ZGRF1: variants seen among roughly 807,000 people sequenced by gnomAD.
ZGRF1 encodes 5'-3' DNA helicase ZGRF1.
In ZGRF1, 196 loss-of-function variants were observed where a neutral mutation model predicts 203.5. That is an observed-to-expected ratio of 0.96 (90% CI 0.86 to 1.08). The LOEUF (loss-of-function observed/expected upper bound fraction) is 1.08. Among genes scored for constraint, ZGRF1 ranks in the 50% least tolerant of loss-of-function variants. The pLI, the probability that ZGRF1 is intolerant of heterozygous loss-of-function variation, is 0.00. For synonymous variants in ZGRF1, 809 were observed against 841.3 expected (o/e 0.96, Z 0.66); for missense variants, 2,326 against 2,416.3 (o/e 0.96, Z 0.78).
At chr4:112,559,210 T>C (rs956094645) in intron 19 of ZGRF1, among the ~76,000 whole-genome samples, 2 of 152,136 alleles carry the variant, frequency 1.3e-5, no homozygotes, top group Non-Finnish European at 2.9e-5. Flanking sequence ...TTGTTTTGTT[T>C]TGTTTTGAGA....
chr4:112,626,824 G>C (rs993310066), intron 3 of ZGRF1, among the ~76,000 whole-genome samples: 4 of 150,554 alleles, frequency 2.7e-5, no homozygotes, highest in African/African-American at 9.8e-5. Flanking sequence ...TTCTTTTTTT[G>C]AGACTGAGTC....
At chr4:112,564,738 A>T (rs34712587) in intron 16 of ZGRF1, among the ~76,000 whole-genome samples, 105,029 of 152,042 alleles carry the variant, frequency 0.69, 36,684 homozygotes, top group East Asian at 0.95. Context: ...AAAAATGATC[A>T]CAAATGCTTA....
In ZGRF1 at chr4:112,585,534, A is replaced by C; in HGVS notation, c.4101+7T>G. ...TGGTATGGTAGGGGGAGGGGAAGCA[A>C]GAATACCTTATTTGGACCTTCCTTT... On this transcript the variant is annotated splice_region_variant and intron_variant, in intron 14 of 27. Coordinates refer to ENST00000505019, the MANE Select transcript of ZGRF1 (RefSeq NM_018392.5). The C allele has an allele frequency of 6.2e-7, 1 of 1,604,982 alleles. No homozygotes were observed. Among genetic ancestry groups the C allele is most frequent in the Non-Finnish European group, 8.5e-7 (1 of 1,176,350 alleles).
chr4:112,599,427 T>C (rs1272439824), intron 10 of ZGRF1, among the ~76,000 whole-genome samples: 2 of 151,734 alleles, frequency 1.3e-5, no homozygotes, highest in African/African-American at 2.4e-5. Flanking sequence ...TAAAGATACA[T>C]AGGAAGTACA....
At chr4:112,573,165 G>GATAC (rs530358594) in intron 16 of ZGRF1, among the ~76,000 whole-genome samples, 782 of 75,306 alleles carry the variant, frequency 0.01, 6 homozygotes, top group African/African-American at 0.03. Flanking sequence ...AAGAAATTGT[G>GATAC]ATACACACAC....
intron 16 of ZGRF1, among the ~76,000 whole-genome samples, chr4:112,571,818 A>C (rs1744266012): frequency 6.6e-6 from 1 of 152,254 alleles, no homozygotes; most frequent in Non-Finnish European, 1.5e-5. Flanking sequence ...AAGGACCAAG[A>C]ACAGCCAGGT....
At chr4:112,610,009 T>G (rs925610518) in intron 7 of ZGRF1, among the ~76,000 whole-genome samples, 1 of 150,032 alleles carries the variant, frequency 6.7e-6, no homozygotes, top group Non-Finnish European at 1.5e-5. Context: ...TATGGTGGCA[T>G]GCACCTGTAG....
chr4:112,596,008 T>C (rs1748948005), intron 10 of ZGRF1, among the ~76,000 whole-genome samples: 1 of 152,200 alleles, frequency 6.6e-6, no homozygotes, highest in Non-Finnish European at 1.5e-5. Flanking sequence ...GTAGATCTAA[T>C]CATTTTGTTT....
chr4:112,619,822 G>A, intron 5 of ZGRF1, 132 bp from the exon 6 acceptor site: 1 of 918,042 alleles, frequency 1.1e-6, no homozygotes, highest in Non-Finnish European at 1.6e-6. Context: ...CAGATTTAAA[G>A]TTTGTCAAAG....
chr4:112,619,677 G>T lies in ZGRF1; in HGVS notation c.365C>A (p.Pro122Gln). 1.9e-6 allele frequency: 3 copies of T among 1,601,440 alleles called. No homozygotes were observed. Among genetic ancestry groups the T allele is most frequent in the Non-Finnish European group, 2.6e-6 (3 of 1,175,022 alleles). Residue 122 changes from proline (P) to glutamine (Q), a missense_variant, in exon 6 of 28, where the codon CCA becomes CAA. Pro to Gln is a moderately conservative substitution (Grantham distance 76). Transcript: ENST00000505019. The part of the protein sequence containing the change: ...LKRKFTGFQG[P>Q]RQVPKKMVIM... ...AACCATTTTCTTTGGAACCTGACGT[G>T]GTCCTTGAAAACCCTGAAAATATTA...
chr4:112,575,496 G>C (rs891061589), intron 16 of ZGRF1, among the ~76,000 whole-genome samples: 16 of 152,206 alleles, frequency 1.1e-4, no homozygotes, highest in African/African-American at 3.9e-4. Flanking sequence ...CACCCGGGAA[G>C]TGCAAGGGGT....
At position 112,604,254 on chromosome 4, in the gene ZGRF1, GA is replaced by G. The variant is rs550708656; in HGVS notation, c.2803-558del. ...AAAAAAAGTATGATTTATAGCCAAT[GA>G]GGGGGAAACAAATGAATAAGTATAA... is the stretch of plus-strand genomic sequence containing the variant. On this transcript the variant is annotated intron_variant, in intron 9 of 27. Coordinates refer to ENST00000505019, the MANE Select transcript of ZGRF1 (RefSeq NM_018392.5). Among the ~76,000 whole-genome samples, 386 of 151,580 alleles carry G rather than the reference GA, an allele frequency of 2.5e-3. 1 individual carries two copies. Among genetic ancestry groups the G allele is most frequent in the Non-Finnish European group, 4.1e-3 (275 of 67,882 alleles).
intron 16 of ZGRF1, among the ~76,000 whole-genome samples, chr4:112,566,420 G>A (rs1578298888): frequency 6.6e-6 from 1 of 151,142 alleles, no homozygotes; most frequent in Non-Finnish European, 1.5e-5. Flanking sequence ...CAGCACACCA[G>A]CATGGCACAT....
intron 9 of ZGRF1, 171 bp downstream of exon 9, chr4:112,605,837 G>T (rs1254198286): frequency 1.7e-6 from 1 of 573,272 alleles, no homozygotes; most frequent in Admixed American, 3.4e-5. Context: ...AGACCAAAAA[G>T]GGGGGCAGGA....
intron 8 of ZGRF1, 77 bp downstream of exon 8, chr4:112,609,302 C>T: frequency 1.6e-6 from 1 of 613,704 alleles, no homozygotes; most frequent in Non-Finnish European, 2.7e-6. Context: ...ATCCACCCGC[C>T]TCAGCCTCCC....
Position 112,632,050 on chromosome 4 carries a change from A to C in ZGRF1, c.22-40T>G, listed in dbSNP as rs751314578. 3.0e-6 allele frequency: 3 copies of C among 1,001,358 alleles called. No homozygotes were observed. In the South Asian group the frequency reaches 5.5e-5, roughly 18 times the overall value. 62.0% of individuals were successfully genotyped at this position (1,001,358 alleles called of 1,614,324 possible). The stretch of plus-strand genomic sequence containing the variant: ...TACAAAAGAAATGGTTTCCATTTAT[A>C]TATATTTAATGTTATGTATTTTATA... On this transcript the variant is annotated intron_variant, in intron 2 of 27. Transcript: ENST00000505019.
chr4:112,566,790 G>A (rs1743181245), intron 16 of ZGRF1, among the ~76,000 whole-genome samples: 2 of 152,086 alleles, frequency 1.3e-5, no homozygotes, highest in South Asian at 2.1e-4. Context: ...CAGAAGGCCT[G>A]TAGAGGAGGA....
intron 14 of ZGRF1, 120 bp downstream of exon 14, chr4:112,585,421 A>T (rs1746994839): frequency 1.5e-6 from 1 of 645,330 alleles, no homozygotes; most frequent in Non-Finnish European, 2.4e-6. Context: ...AGGTACCAAC[A>T]CCTCAAATAG....
rs553317807 is a variant in ZGRF1 at position 112,571,652 on chromosome 4, C to T, written c.4439-8378G>A. Among the ~76,000 whole-genome samples, 5 of 152,058 alleles carry T rather than the reference C, an allele frequency of 3.3e-5. No individual in the cohort carries two copies. In the East Asian group the frequency reaches 5.8e-4, roughly 18 times the overall value. On this transcript the variant is annotated intron_variant, in intron 16 of 27. Coordinates refer to ENST00000505019, the MANE Select transcript of ZGRF1 (RefSeq NM_018392.5). ...CTCCTGTCTTGGCCTCCCAAAGTGT[C>T]GGGATTACAGGCGTGAGCCACCATG...
Sources: gnomAD v4.1 joint callset for allele counts (sites outside exome capture counted in the v4.1 genomes callset) on GRCh38, gnomAD v4.1.1 for gene constraint, MANE v1.5 for transcripts, NCBI Gene and HGNC (gene_info 2026-07-23, HGNC 2026-07-21) for gene names.